The following GRM5 variants were observed in gnomAD, a reference collection of about 807,000 sequenced individuals.
GRM5 encodes the protein metabotropic glutamate receptor 5.
A neutral mutation model predicts 83.1 loss-of-function variants in GRM5; 19 were observed. The observed-to-expected ratio is 0.23, with a 90% CI of 0.16 to 0.34. GRM5 has a LOEUF of 0.34. GRM5 is among the 10% of genes least tolerant of loss of function. The pLI, the probability that GRM5 is intolerant of heterozygous loss-of-function variation, is 1.00. For missense variants in GRM5, 1,160 were observed against 1,588.3 expected (o/e 0.73, Z 4.58); for synonymous variants, 675 against 633.6 (o/e 1.07, Z -0.98).
At chr11:88,733,232 G>A (rs1448950101) in intron 3 of GRM5, among the ~76,000 whole-genome samples, 1 of 151,934 alleles carries the variant, frequency 6.6e-6, no homozygotes, top group Non-Finnish European at 1.5e-5. Context: ...CTTATCCCCA[G>A]CATCTAAGAT....
intron 2 of GRM5, among the ~76,000 whole-genome samples, chr11:88,956,732 G>A (rs1310129880): frequency 2.6e-5 from 4 of 152,204 alleles, no homozygotes; most frequent in Non-Finnish European, 5.9e-5. Flanking sequence ...CGTGAACCCG[G>A]AAGGCGGAAC....
chr11:88,992,855 C>T lies in GRM5; in HGVS notation c.661+54357G>A, dbSNP rs1357587097. On this transcript the variant is annotated intron_variant, in intron 2 of 9. Transcript: ENST00000305447. ...ACATAGCAAGGGGAACATCACACAC[C>T]GGGGCCTGTCGTGGGGTGGGGGAGG... Among the ~76,000 whole-genome samples, 39 of 73,002 alleles carry T rather than the reference C, an allele frequency of 5.3e-4. 1 individual carries two copies. The South Asian group carries it at 8.7e-3, about 16-fold the overall frequency. 47.9% of individuals were successfully genotyped at this position (73,002 alleles called of 152,430 possible).
chr11:89,058,037 G>A (rs1449424714), intron 1 of GRM5, among the ~76,000 whole-genome samples: 1 of 151,886 alleles, frequency 6.6e-6, no homozygotes, highest in African/African-American at 2.4e-5. Context: ...AACTATATTT[G>A]GCTCCAAAGC....
intron 3 of GRM5, among the ~76,000 whole-genome samples, chr11:88,818,341 C>T (rs947167623): frequency 1.3e-5 from 2 of 151,994 alleles, no homozygotes; most frequent in African/African-American, 4.8e-5. Flanking sequence ...CCTCAAATGC[C>T]TCCATTCTGT....
chr11:88,709,629 C>A (rs1339612988), intron 3 of GRM5, among the ~76,000 whole-genome samples: 1 of 152,100 alleles, frequency 6.6e-6, no homozygotes, highest in Non-Finnish European at 1.5e-5. Flanking sequence ...AGCCAGCATG[C>A]TCTAGACATG....
At chr11:88,577,259 A>T (rs180827480) in intron 7 of GRM5, among the ~76,000 whole-genome samples, 77 of 152,248 alleles carry the variant, frequency 5.1e-4, no homozygotes, top group African/African-American at 1.8e-3. Flanking sequence ...AATTTTAAGT[A>T]TCGTTAAGTA....
At chr11:89,008,929 T>A (rs1937359268) in intron 2 of GRM5, 2 of 536,082 alleles carry the variant, frequency 3.7e-6, no homozygotes, top group African/African-American at 1.9e-5. Context: ...GTTTCTTAAT[T>A]AAGGGCATTT....
chr11:88,759,693 C>G (rs1348027888), intron 3 of GRM5, among the ~76,000 whole-genome samples: 1 of 152,018 alleles, frequency 6.6e-6, no homozygotes, highest in African/African-American at 2.4e-5. Flanking sequence ...ACAAAGATAT[C>G]CAGGATCTAA....
chr11:88,798,825 A>AAAAAAAAAAAAAAAAAAAAAAAC (rs777932007), intron 3 of GRM5, among the ~76,000 whole-genome samples: 1 of 145,308 alleles, frequency 6.9e-6, no homozygotes, highest in African/African-American at 2.5e-5. Flanking sequence ...AAAAAAAAAA[A>AAAAAAAAAAAAAAAAAAAAAAAC]AACAACAACA....
At chr11:89,039,723 T>C (rs966159939) in intron 2 of GRM5, among the ~76,000 whole-genome samples, 1 of 152,200 alleles carries the variant, frequency 6.6e-6, no homozygotes, top group Non-Finnish European at 1.5e-5. Context: ...CTGCTGTGTC[T>C]TGTCTTCTCT....
At chr11:88,861,611 A>G (rs1369665306) in intron 2 of GRM5, among the ~76,000 whole-genome samples, 1 of 152,004 alleles carries the variant, frequency 6.6e-6, no homozygotes, top group African/African-American at 2.4e-5. Context: ...GACTACAGGC[A>G]CACACTACCA....
chr11:88,570,571 A>ATTTTTTTTTTTTT (rs1194098388), intron 7 of GRM5, among the ~76,000 whole-genome samples: 3 of 46,378 alleles, frequency 6.5e-5, no homozygotes, highest in Non-Finnish European at 1.1e-4. Flanking sequence ...ATATATATAT[A>ATTTTTTTTTTTTT]TTTTTTTTTT....
At chr11:88,734,843 T>C (rs956454527) in intron 3 of GRM5, among the ~76,000 whole-genome samples, 2 of 152,076 alleles carry the variant, frequency 1.3e-5, no homozygotes, top group African/African-American at 4.8e-5. Context: ...TATGGAAAAT[T>C]GGAAATGGAT....
intron 9 of GRM5, among the ~76,000 whole-genome samples, chr11:88,510,041 G>GTA (rs1207982065): frequency 6.6e-6 from 1 of 152,130 alleles, no homozygotes; most frequent in African/African-American, 2.4e-5. Flanking sequence ...CTGGAAGTTG[G>GTA]TATATATATA....
At chr11:88,943,742 A>G (rs1938188695) in intron 2 of GRM5, among the ~76,000 whole-genome samples, 1 of 152,150 alleles carries the variant, frequency 6.6e-6, no homozygotes, top group East Asian at 1.9e-4. Flanking sequence ...TTTTACCTCA[A>G]CATATAGGTT....
At chr11:88,709,856 A>C (rs1941244364) in intron 3 of GRM5, among the ~76,000 whole-genome samples, 1 of 152,146 alleles carries the variant, frequency 6.6e-6, no homozygotes, top group African/African-American at 2.4e-5. Flanking sequence ...AACAAACAGA[A>C]TCTGTTCTCA....
At chr11:88,513,018 C>T (rs1941421127) in intron 9 of GRM5, among the ~76,000 whole-genome samples, 1 of 152,158 alleles carries the variant, frequency 6.6e-6, no homozygotes, top group Non-Finnish European at 1.5e-5. Context: ...CCATTAAATT[C>T]CAAATTAACC....
intron 2 of GRM5, among the ~76,000 whole-genome samples, chr11:88,979,860 T>A (rs1939469838): frequency 1.3e-5 from 2 of 150,458 alleles, no homozygotes; most frequent in East Asian, 3.9e-4. Flanking sequence ...GACATTAACA[T>A]TTTTTTTTTA....
At position 89,060,170 on chromosome 11, in the gene GRM5, G is replaced by A. The variant is rs187509422; in HGVS notation, c.-201+5606C>T. ...AAGCAGCTCAAAACAAAGGAAACAC[G>A]GTAAATTTTAGTGCCAAACAAATCA... On this transcript the variant is annotated intron_variant, in intron 1 of 9. Coordinates refer to ENST00000305447, the MANE Select transcript of GRM5 (RefSeq NM_001143831.3). 9.9e-5 allele frequency among the ~76,000 whole-genome samples: 15 copies of A among 151,780 alleles called. No individual in the cohort carries two copies. In the East Asian group the frequency reaches 2.3e-3, roughly 24 times the overall value.
Sources: gnomAD v4.1 joint callset for allele counts (sites outside exome capture counted in the v4.1 genomes callset) on GRCh38, gnomAD v4.1.1 for gene constraint, MANE v1.5 for transcripts, NCBI Gene and HGNC (gene_info 2026-07-23, HGNC 2026-07-21) for gene names.